The following CNTN6 variants were observed in gnomAD, a reference collection of about 807,000 sequenced individuals.
CNTN6 encodes the protein contactin-6.
A neutral mutation model predicts 122.8 loss-of-function variants in CNTN6; 137 were observed. The ratio of observed to expected loss-of-function variants is 1.12; its 90% CI spans 0.97 to 1.29. CNTN6 has a LOEUF of 1.29. Ranked by LOEUF, CNTN6 falls within the 50% of genes most tolerant of loss-of-function variation. CNTN6 has a pLI of 0.00. For missense variants in CNTN6, 1,634 were observed against 1,223.4 expected (o/e 1.34, Z -5.01); for synonymous variants, 570 against 426.0 (o/e 1.34, Z -4.16).
intron 7 of CNTN6, among the ~76,000 whole-genome samples, chr3:1,302,104 T>G (rs958793443): frequency 6.6e-5 from 10 of 152,166 alleles, no homozygotes; most frequent in Non-Finnish European, 1.3e-4. Flanking sequence ...AAATAAAAAG[T>G]CAAACGTCTT....
intron 8 of CNTN6, among the ~76,000 whole-genome samples, chr3:1,324,891 A>T (rs1202707059): frequency 6.7e-6 from 1 of 149,530 alleles, no homozygotes; most frequent in Admixed American, 6.6e-5. Context: ...GAATCCACTG[A>T]AAGATTGTAG....
chr3:1,231,399 C>T (rs2094350872), intron 4 of CNTN6, among the ~76,000 whole-genome samples: 1 of 152,302 alleles, frequency 6.6e-6, no homozygotes, highest in Admixed American at 6.5e-5. Flanking sequence ...TTATGAACAA[C>T]CTTTCAGAAT....
Position 1,192,478 on chromosome 3 carries a change from T to G in CNTN6, c.56-28209T>G, listed in dbSNP as rs150491368. Among the ~76,000 whole-genome samples, 207 of 152,296 alleles carry G rather than the reference T, an allele frequency of 1.4e-3. 1 individual carries two copies. Among genetic ancestry groups the G allele is most frequent in the African/African-American group, 4.7e-3 (196 of 41,568 alleles). ...CATACTATACATTATTTGCAGCATT[T>G]GTAGGCAAAGGTGCCTCATTTGCTG... On this transcript the variant is annotated intron_variant, in intron 2 of 22. Transcript: ENST00000446702.
chr3:1,105,662 T>G (rs1478048030), intron 1 of CNTN6, among the ~76,000 whole-genome samples: 1 of 152,148 alleles, frequency 6.6e-6, no homozygotes, highest in Non-Finnish European at 1.5e-5. Flanking sequence ...CTAGTCTTAT[T>G]AAAGATAAAT....
intron 1 of CNTN6, among the ~76,000 whole-genome samples, chr3:1,096,727 C>T (rs975876104): frequency 1.2e-4 from 19 of 152,214 alleles, no homozygotes; most frequent in African/African-American, 4.1e-4. Context: ...CTGTATCCTC[C>T]TGAAAGTAAG....
At chr3:1,194,809 C>T (rs139199561) in intron 2 of CNTN6, among the ~76,000 whole-genome samples, 262 of 152,180 alleles carry the variant, frequency 1.7e-3, no homozygotes, top group Middle Eastern at 6.8e-3. Context: ...GAACATGTAT[C>T]TTATTCCTTT....
intron 4 of CNTN6, among the ~76,000 whole-genome samples, chr3:1,240,720 G>T (rs1203670765): frequency 6.8e-6 from 1 of 147,344 alleles, no homozygotes; most frequent in East Asian, 2.0e-4. Flanking sequence ...AAAAAAAAAA[G>T]AAAAAAAAGA....
intron 1 of CNTN6, among the ~76,000 whole-genome samples, chr3:1,111,596 A>G (rs1276727425): frequency 6.6e-6 from 1 of 152,246 alleles, no homozygotes; most frequent in Admixed American, 6.5e-5. Context: ...CAGTGAACTC[A>G]GAGAAGGATC....
At position 1,347,746 on chromosome 3, in the gene CNTN6, C is replaced by A. The variant is rs115443590; in HGVS notation, c.1365-4578C>A. Among the ~76,000 whole-genome samples, 1,100 of 152,150 alleles carry A rather than the reference C, an allele frequency of 7.2e-3. 17 individuals are homozygous for A. Among genetic ancestry groups the A allele is most frequent in the African/African-American group, 0.025 (1,057 of 41,530 alleles). ...GCATTTAATTAACTTTTACAGCAAT[C>A]ACATTATTATTCCTAAAATAAAAAT... On this transcript the variant is annotated intron_variant, in intron 11 of 22. Coordinates refer to ENST00000446702, the MANE Select transcript of CNTN6 (RefSeq NM_001289080.2).
intron 2 of CNTN6, among the ~76,000 whole-genome samples, chr3:1,195,136 C>T (rs373245465): frequency 1.3e-5 from 2 of 152,098 alleles, no homozygotes; most frequent in East Asian, 1.9e-4. Context: ...CTCTGCACCC[C>T]AGAATCTGAA....
intron 4 of CNTN6, among the ~76,000 whole-genome samples, chr3:1,270,678 A>G: frequency 6.6e-6 from 1 of 152,222 alleles, no homozygotes; most frequent in East Asian, 1.9e-4. Flanking sequence ...GGGAAATAGT[A>G]TTTGGTTGAC....
At position 1,242,983 on chromosome 3, in the gene CNTN6, G is replaced by A. The variant is rs539244990; in HGVS notation, c.358+14990G>A. 2.6e-5 allele frequency among the ~76,000 whole-genome samples: 4 copies of A among 152,232 alleles called. No individual in the cohort carries two copies. The South Asian group carries it at 6.2e-4, about 24-fold the overall frequency. ...CCTCCGTATTGATTAAGAAGGGGAC[G>A]GACTTACCTTCCACTGTGAGAGTTA... On this transcript the variant is annotated intron_variant, in intron 4 of 22. Transcript: ENST00000446702.
At chr3:1,094,529 A>G (rs2090418250) in intron 1 of CNTN6, among the ~76,000 whole-genome samples, 1 of 152,192 alleles carries the variant, frequency 6.6e-6, no homozygotes, top group Non-Finnish European at 1.5e-5. Context: ...CATCTTAGCA[A>G]AAAAGTCAAT....
intron 11 of CNTN6, among the ~76,000 whole-genome samples, chr3:1,348,684 G>A (rs149338534): frequency 9.2e-5 from 14 of 152,000 alleles, no homozygotes; most frequent in South Asian, 6.2e-4. Flanking sequence ...GAACTAAAAC[G>A]GAACTTGCTA....
intron 12 of CNTN6, among the ~76,000 whole-genome samples, chr3:1,353,347 A>T (rs1417871503): frequency 6.6e-6 from 1 of 151,748 alleles, no homozygotes; most frequent in Non-Finnish European, 1.5e-5. Flanking sequence ...CTACACTTCA[A>T]CCATCCTTTA....
intron 7 of CNTN6, among the ~76,000 whole-genome samples, chr3:1,310,929 AG>A (rs1191946447): frequency 1.1e-4 from 16 of 152,092 alleles, no homozygotes; most frequent in African/African-American, 2.9e-4. Flanking sequence ...TGAACCCGGG[AG>A]GCAGAAGTTG....
chr3:1,364,947 A>C (rs1414865892), intron 12 of CNTN6, among the ~76,000 whole-genome samples: 1 of 151,972 alleles, frequency 6.6e-6, no homozygotes, highest in Non-Finnish European at 1.5e-5. Flanking sequence ...GTGGTTTTAC[A>C]AACTCTTCAT....
intron 5 of CNTN6, among the ~76,000 whole-genome samples, chr3:1,289,676 G>GT (rs11438242): frequency 0.31 from 42,606 of 137,410 alleles, 7,101 homozygotes; most frequent in Non-Finnish European, 0.38. Context: ...GTTTTTTTGG[G>GT]TTTTTTTTTT....
intron 1 of CNTN6, among the ~76,000 whole-genome samples, chr3:1,117,923 C>T (rs1165920125): frequency 6.6e-6 from 1 of 152,114 alleles, no homozygotes; most frequent in Non-Finnish European, 1.5e-5. Flanking sequence ...GTGATTCACA[C>T]CATTCTGCAC....
Sources: allele counts gnomAD v4.1 joint callset (sites outside exome capture counted in the v4.1 genomes callset), GRCh38; gene constraint gnomAD v4.1.1; transcripts MANE v1.5; gene names NCBI Gene and HGNC (gene_info 2026-07-23, HGNC 2026-07-21).